The following ITGAV variants were observed in gnomAD, a reference collection of about 807,000 sequenced individuals.
ITGAV encodes the protein integrin alpha-V.
Under a neutral mutation model 143.8 loss-of-function variants are expected in ITGAV, and 76 were observed. The observed-to-expected ratio is 0.53, with a 90% CI of 0.44 to 0.64. ITGAV has a LOEUF of 0.64. Among genes scored for constraint, ITGAV ranks in the 30% least tolerant of loss-of-function variants. The pLI is 0.00. For synonymous variants in ITGAV, 453 were observed against 446.7 expected, an observed-to-expected ratio of 1.01 and a Z score of -0.18; for missense variants, 1,193 against 1,274.7, an observed-to-expected ratio of 0.94 and a Z score of 0.98.
chr2:186,612,254 G>GT (rs376013444), intron 2 of ITGAV, among the ~76,000 whole-genome samples: 11 of 150,494 alleles, frequency 7.3e-5, no homozygotes, highest in African/African-American at 1.7e-4. Context: ...TTAGTAATGT[G>GT]TTTTTTTTTC....
chr2:186,619,946 C>T (rs1053241792), intron 2 of ITGAV, among the ~76,000 whole-genome samples: 4 of 151,774 alleles, frequency 2.6e-5, no homozygotes, highest in African/African-American at 7.3e-5. Flanking sequence ...GAGCTGAGAT[C>T]GCGCCACTGT....
intron 2 of ITGAV, among the ~76,000 whole-genome samples, chr2:186,618,423 G>C (rs1687428415): frequency 6.6e-6 from 1 of 152,176 alleles, no homozygotes; most frequent in East Asian, 1.9e-4. Flanking sequence ...TACTGATTTT[G>C]CATGAATTTT....
chr2:186,639,461 G>T (rs371904265), intron 10 of ITGAV, among the ~76,000 whole-genome samples: 1 of 152,236 alleles, frequency 6.6e-6, no homozygotes, highest in South Asian at 2.1e-4. Flanking sequence ...TAGGGTTGCT[G>T]CAGGGGTGGT....
At chr2:186,609,720 C>T (rs1687162720) in intron 2 of ITGAV, among the ~76,000 whole-genome samples, 1 of 151,828 alleles carries the variant, frequency 6.6e-6, no homozygotes, top group Non-Finnish European at 1.5e-5. Context: ...AGGGTTCTAG[C>T]TTGAGAAAAC....
intron 12 of ITGAV, among the ~76,000 whole-genome samples, chr2:186,645,115 A>T (rs1688218408): frequency 6.6e-6 from 1 of 152,214 alleles, no homozygotes; most frequent in South Asian, 2.1e-4. Context: ...ATAAGTAAAC[A>T]ATGGGGAAAT....
At chr2:186,616,530 G>A (rs1048988857) in intron 2 of ITGAV, among the ~76,000 whole-genome samples, 4 of 151,796 alleles carry the variant, frequency 2.6e-5, no homozygotes, top group South Asian at 2.1e-4. Context: ...CGCCCGCCTC[G>A]GCCTCCCAAA....
chr2:186,667,449 A>G (rs1184297319), intron 23 of ITGAV, among the ~76,000 whole-genome samples: 1 of 152,132 alleles, frequency 6.6e-6, no homozygotes, highest in African/African-American at 2.4e-5. Flanking sequence ...TGCACAAAAT[A>G]ATTTTGTTGA....
At chr2:186,621,720 G>A (rs1288182381) in intron 2 of ITGAV, among the ~76,000 whole-genome samples, 3 of 152,132 alleles carry the variant, frequency 2.0e-5, no homozygotes, top group Non-Finnish European at 2.9e-5. Context: ...ATATAGTGAT[G>A]TTCGATCTAT....
At chr2:186,598,372 G>A (rs951189300) in intron 1 of ITGAV, among the ~76,000 whole-genome samples, 7 of 150,486 alleles carry the variant, frequency 4.7e-5, no homozygotes, top group East Asian at 2.0e-4. Context: ...AAAAAGAACC[G>A]ATGGGGTTTT....
At chr2:186,643,448 G>A (rs910864512) in intron 12 of ITGAV, among the ~76,000 whole-genome samples, 2 of 152,138 alleles carry the variant, frequency 1.3e-5, no homozygotes, top group African/African-American at 4.8e-5. Flanking sequence ...CTGTATTTAT[G>A]TATAGTATTT....
chr2:186,639,671 G>A (rs1457114049), intron 10 of ITGAV, among the ~76,000 whole-genome samples: 1 of 152,150 alleles, frequency 6.6e-6, no homozygotes, highest in Non-Finnish European at 1.5e-5. Context: ...TGCTCAATCT[G>A]TTATTGCATT....
At chr2:186,673,033 A>G (rs1165042555) in intron 26 of ITGAV, among the ~76,000 whole-genome samples, 1 of 152,182 alleles carries the variant, frequency 6.6e-6, no homozygotes, top group African/African-American at 2.4e-5. Flanking sequence ...TTTTGGTTTT[A>G]TAAGTTTTAC....
At chr2:186,614,272 G>T (rs896767598) in intron 2 of ITGAV, among the ~76,000 whole-genome samples, 2 of 151,982 alleles carry the variant, frequency 1.3e-5, no homozygotes, top group African/African-American at 4.8e-5. Flanking sequence ...TTTTGTGTGT[G>T]TATTTGTGCA....
intron 14 of ITGAV, among the ~76,000 whole-genome samples, 188 bp downstream of exon 14, chr2:186,650,073 A>G (rs1163359238): frequency 2.0e-5 from 3 of 152,204 alleles, no homozygotes; most frequent in African/African-American, 7.2e-5. Context: ...GTACATATTT[A>G]TGGGGTACAT....
rs1204655976 is a variant in ITGAV at position 186,680,747 on chromosome 2, T to A, written c.*3455T>A. On this transcript the variant is annotated 3_prime_UTR_variant, in exon 30 of 30. Transcript: ENST00000261023. ...TAATAACATAGAAAGTAAATATCTT[T>A]GTGGTCACCCACATTGGGTGAGACA... 1 of 152,640 alleles carries A rather than the reference T, an allele frequency of 6.6e-6. No homozygotes were observed. Among genetic ancestry groups the A allele is most frequent in the Non-Finnish European group, 1.5e-5 (1 of 68,016 alleles). 9.5% of individuals were successfully genotyped at this position (152,640 alleles called of 1,614,324 possible).
intron 13 of ITGAV, among the ~76,000 whole-genome samples, chr2:186,648,994 A>G (rs868667721): frequency 1.3e-4 from 1 of 7,778 alleles, no homozygotes; most frequent in African/African-American, 2.6e-4. Context: ...ATTTGTGTGT[A>G]TATATATACA....
intron 13 of ITGAV, 142 bp from the exon 14 acceptor site, chr2:186,649,698 C>T: frequency 2.0e-6 from 1 of 495,660 alleles, no homozygotes; most frequent in South Asian, 4.3e-5. Context: ...ATATTTTAGC[C>T]TTTTATATGA....
chr2:186,604,608 T>C (rs1382212278), intron 2 of ITGAV, among the ~76,000 whole-genome samples: 1 of 152,228 alleles, frequency 6.6e-6, no homozygotes, highest in African/African-American at 2.4e-5. Context: ...TCCAGTTGTG[T>C]TTTGAAACCC....
chr2:186,612,049 A>G (rs183417800), intron 2 of ITGAV, among the ~76,000 whole-genome samples: 185 of 152,368 alleles, frequency 1.2e-3, no homozygotes, highest in Non-Finnish European at 1.5e-4. Context: ...TGCCCATACT[A>G]GAACTGTAGG....
Sources: gnomAD v4.1 joint callset for allele counts (sites outside exome capture counted in the v4.1 genomes callset) on GRCh38, gnomAD v4.1.1 for gene constraint, MANE v1.5 for transcripts, NCBI Gene and HGNC (gene_info 2026-07-23, HGNC 2026-07-21) for gene names.